Variants in RBM20 observed in about 807,000 individuals in gnomAD.
RBM20 encodes the protein RNA-binding protein 20.
A neutral mutation model predicts 110.1 loss-of-function variants in RBM20; 51 were observed. The observed-to-expected ratio is 0.46, with a 90% confidence interval of 0.37 to 0.59. The LOEUF (loss-of-function observed/expected upper bound fraction) is 0.59. Among genes scored for constraint, RBM20 ranks in the 20% least tolerant of loss-of-function variants. The pLI is 0.00. For missense variants in RBM20, 1,512 were observed against 1,574.9 expected, an observed-to-expected ratio of 0.96 and a Z score of 0.68; for synonymous variants, 589 against 618.2, an observed-to-expected ratio of 0.95 and a Z score of 0.70.
intron 1 of RBM20, among the ~76,000 whole-genome samples, chr10:110,773,031 A>AG (rs1235030342): frequency 2.0e-5 from 3 of 152,244 alleles, no homozygotes; most frequent in Admixed American, 6.5e-5. Flanking sequence ...AGGATCCCAC[A>AG]GGGAGTGAAT....
intron 1 of RBM20, among the ~76,000 whole-genome samples, chr10:110,698,955 G>T (rs769842047): frequency 4.7e-4 from 72 of 152,142 alleles, no homozygotes; most frequent in Non-Finnish European, 7.6e-4. Context: ...ATTTGCTAGG[G>T]TTCTGTTATA....
intron 9 of RBM20, among the ~76,000 whole-genome samples, chr10:110,813,378 C>T (rs1204107681): frequency 6.6e-6 from 1 of 152,142 alleles, no homozygotes; most frequent in Non-Finnish European, 1.5e-5. Context: ...AAAGAGCCTC[C>T]CAAGGGAGAT....
At chr10:110,725,308 C>T (rs985036019) in intron 1 of RBM20, among the ~76,000 whole-genome samples, 4 of 152,194 alleles carry the variant, frequency 2.6e-5, no homozygotes, top group Admixed American at 6.5e-5. Flanking sequence ...GTTTCAATTT[C>T]ATGGTTTTTA....
chr10:110,676,062 T>A (rs944006866), intron 1 of RBM20, among the ~76,000 whole-genome samples: 1 of 152,230 alleles, frequency 6.6e-6, no homozygotes, highest in Non-Finnish European at 1.5e-5. Context: ...GGCGCTGGAT[T>A]TCTTCTTCTG....
intron 1 of RBM20, among the ~76,000 whole-genome samples, chr10:110,715,731 C>A (rs933839845): frequency 1.3e-5 from 2 of 152,226 alleles, no homozygotes; most frequent in Admixed American, 1.3e-4. Context: ...CTAACTGGAA[C>A]ATGTGGCCTT....
chr10:110,674,194 G>A (rs750740672), intron 1 of RBM20, among the ~76,000 whole-genome samples: 1 of 152,146 alleles, frequency 6.6e-6, no homozygotes, highest in Non-Finnish European at 1.5e-5. Flanking sequence ...TGGAAGGAAG[G>A]GCTGGGCTTT....
intron 1 of RBM20, among the ~76,000 whole-genome samples, chr10:110,656,849 A>C (rs1192333704): frequency 6.6e-6 from 1 of 152,186 alleles, no homozygotes; most frequent in South Asian, 2.1e-4. Context: ...TAGGTACCGA[A>C]AACGTTTTCT....
intron 6 of RBM20, among the ~76,000 whole-genome samples, chr10:110,797,911 C>T (rs991365946): frequency 2.0e-5 from 3 of 152,088 alleles, no homozygotes; most frequent in South Asian, 4.1e-4. Flanking sequence ...TGCTCATTCA[C>T]ATAGAAAGGG....
At chr10:110,720,613 C>G (rs1216251565) in intron 1 of RBM20, among the ~76,000 whole-genome samples, 1 of 152,046 alleles carries the variant, frequency 6.6e-6, no homozygotes, top group Non-Finnish European at 1.5e-5. Context: ...CACATGGCCT[C>G]CCACTTGGAT....
rs115453750 is a variant in RBM20 at position 110,733,220 on chromosome 10, C to T, written c.192-47581C>T. 9.1e-3 allele frequency among the ~76,000 whole-genome samples: 1,380 copies of T among 152,252 alleles called. 23 individuals are homozygous for T. The highest frequency in any genetic ancestry group is 0.031 in the African/African-American group (1,294 of 41,538). On this transcript the variant is annotated intron_variant, in intron 1 of 13. Coordinates refer to ENST00000369519, the MANE Select transcript of RBM20 (RefSeq NM_001134363.3). Reference sequence around the variant, plus strand: ...AGTTGTTCTTGGGATCTCTTTCTGCCCTTCTTGCTCCAGAGCTGGTTCATG... The same window carrying T: ...AGTTGTTCTTGGGATCTCTTTCTGCTCTTCTTGCTCCAGAGCTGGTTCATG...
At position 110,821,859 on chromosome 10, in the gene RBM20, C is replaced by T. The variant is rs1217393739; in HGVS notation, c.3240C>T (p.Ser1080=). 5 of 1,551,584 alleles carry T rather than the reference C, an allele frequency of 3.2e-6. No individual in the cohort carries two copies. Among genetic ancestry groups the T allele is most frequent in the East Asian group, 2.4e-5 (1 of 40,936 alleles). Residue 1080 remains serine (S), a synonymous_variant, in exon 11 of 14, where the codon AGC becomes AGT. Transcript: ENST00000369519. ...CCGAAGATGGGGCTTGTGAAGGCAG[C>T]CCCCTGGAGGAGAAAGCCAGCCCCC... The part of the protein sequence containing the change: ...GTPEDGACEG[S]PLEEKASPPI...
At position 110,755,266 on chromosome 10, in the gene RBM20, T is replaced by A. The variant is rs536821885; in HGVS notation, c.192-25535T>A. Among the ~76,000 whole-genome samples the A allele has an allele frequency of 3.3e-5, 5 of 152,312 alleles. No individual in the cohort carries two copies. The South Asian group carries it at 1.0e-3, about 32-fold the overall frequency. ...GTCTCCTGTAAGAGTCTACATCAGA[T>A]GTGCTCTGGGCCCTGACATCTTTCA... On this transcript the variant is annotated intron_variant, in intron 1 of 13. Transcript: ENST00000369519.
rs925693368 is a variant in RBM20 at position 110,644,522 on chromosome 10, C to T, written c.68C>T (p.Ala23Val). 3 of 1,529,706 alleles carry T rather than the reference C, an allele frequency of 2.0e-6. No individual in the cohort carries two copies. The highest frequency in any genetic ancestry group is 2.0e-5 in the Admixed American group (1 of 49,684). The allele number at this position is 1,529,706 out of a possible 1,614,324, so 94.8% of individuals were successfully genotyped here. Residue 23 changes from alanine (A) to valine (V), a missense_variant, in exon 1 of 14, where the codon GCC (alanine) becomes GTC (valine). Ala to Val is a moderately conservative substitution (Grantham distance 64, BLOSUM62 0). Coordinates refer to ENST00000369519, the MANE Select transcript of RBM20 (RefSeq NM_001134363.3). The surrounding 1 kb of genome is among the most constrained non-coding windows in gnomAD (Gnocchi z 4.3). ...PSGPEQPDRV[A>V]CSVPGARASP... is the part of the protein sequence containing the mutation. ...GGTCCGGAGCAGCCGGACAGAGTTG[C>T]CTGCAGTGTGCCTGGTGCCCGGGCG...
intron 1 of RBM20, among the ~76,000 whole-genome samples, chr10:110,671,147 C>T (rs1308192253): frequency 6.6e-6 from 1 of 152,188 alleles, no homozygotes; most frequent in African/African-American, 2.4e-5. Flanking sequence ...CTTCAGGGAT[C>T]GCTGGAGAAC....
At chr10:110,826,692 C>G (rs539774450) in intron 12 of RBM20, among the ~76,000 whole-genome samples, 1 of 151,946 alleles carries the variant, frequency 6.6e-6, no homozygotes, top group East Asian at 1.9e-4. Flanking sequence ...AAGTGATTCT[C>G]CTGCCTCAGC....
chr10:110,821,562 C>G lies in RBM20; in HGVS notation c.2943C>G (p.Pro981=), dbSNP rs1844910313. ...NGAAEISLKS[P]RELPSASTSC... ...CTGCAGAAATCAGCCTCAAGTCACC[C>G]AGAGAACTGCCCTCTGCTTCCACAA... Residue 981 remains proline, a synonymous_variant, in exon 11 of 14, where the codon CCC becomes CCG. Transcript: ENST00000369519. 1 of 1,551,160 alleles carries G rather than the reference C, an allele frequency of 6.4e-7. No homozygotes were observed. Among genetic ancestry groups the G allele is most frequent in the Non-Finnish European group, 8.7e-7 (1 of 1,146,336 alleles).
At chr10:110,788,641 A>G (rs1178628788) in intron 5 of RBM20, among the ~76,000 whole-genome samples, 5 of 152,226 alleles carry the variant, frequency 3.3e-5, no homozygotes, top group African/African-American at 9.6e-5. Flanking sequence ...GTCTTGAGGA[A>G]AACCTGAAAT....
rs187606201 is a variant in RBM20, at chr10:110,731,068, C to T, written c.192-49733C>T. Among the ~76,000 whole-genome samples the T allele has an allele frequency of 2.4e-3, 367 of 152,176 alleles. 1 individual carries two copies. The highest frequency in any genetic ancestry group is 3.9e-3 in the Admixed American group (60 of 15,276). Reference sequence around the variant, plus strand: ...GTATTTCCAGTGGTTCATTCACTGGCCATAGTGAGTTTGAGGTATGAAACT... The same window carrying T: ...GTATTTCCAGTGGTTCATTCACTGGTCATAGTGAGTTTGAGGTATGAAACT... On this transcript the variant is annotated intron_variant, in intron 1 of 13. Transcript: ENST00000369519.
Position 110,797,612 on chromosome 10 carries a change from G to T in RBM20, c.1632G>T (p.Lys544Asn), listed in dbSNP as rs1844568184. The change falls in exon 6 of 14, where the codon AAG becomes AAT. Residue 544 changes from lysine to asparagine, a missense_variant. By Grantham distance (94) the Lys-to-Asn change is moderately conservative. Transcript: ENST00000369519. ...TTAACCTGGGGCTGCCCTTTGGAAA[G>T]GTCACTAATTACATCCTCATGAAGT... ...DVINLGLPFG[K>N]VTNYILMKST... The T allele has an allele frequency of 1.9e-6, 3 of 1,551,664 alleles. No individual in the cohort carries two copies. The South Asian group carries it at 3.6e-5, about 18-fold the overall frequency.
Sources: gnomAD v4.1 joint callset for allele counts (sites outside exome capture counted in the v4.1 genomes callset) on GRCh38, gnomAD v4.1.1 for gene constraint, Gnocchi (gnomAD v3.1) non-coding constraint, MANE v1.5 for transcripts, NCBI Gene and HGNC (gene_info 2026-07-23, HGNC 2026-07-21) for gene names.